The following MTDH variants were observed in gnomAD, a reference collection of about 807,000 sequenced individuals.
MTDH encodes the protein metadherin, also known as protein LYRIC.
Under a neutral mutation model 72.7 loss-of-function variants are expected in MTDH, and 34 were observed. The ratio of observed to expected loss-of-function variants is 0.47; its 90% CI spans 0.36 to 0.62. MTDH has a LOEUF of 0.62. MTDH is among the 20% of genes least tolerant of loss of function. The pLI is 0.00. For missense variants in MTDH, 677 were observed against 699.4 expected, an observed-to-expected ratio of 0.97 and a Z score of 0.36; for synonymous variants, 266 against 268.9, an observed-to-expected ratio of 0.99 and a Z score of 0.10.
In MTDH at chr8:97,687,506, T is replaced by G. The variant is rs1453286068; in HGVS notation, c.646T>G (p.Ser216Ala). The G allele has an allele frequency of 5.0e-6, 8 of 1,613,748 alleles. No individual in the cohort carries two copies. The highest frequency in any genetic ancestry group is 6.8e-6 in the Non-Finnish European group (8 of 1,179,830). Residue 216 changes from serine to alanine, a missense_variant, in exon 4 of 12, where the codon TCA becomes GCA. Coordinates refer to ENST00000336273, the MANE Select transcript of MTDH (RefSeq NM_178812.4). ...KRDKVLTDSG[S>A]LDSTIPGIEN... is the part of the protein sequence containing the mutation. ...TGATAAGGTGCTGACTGATTCTGGT[T>G]CATTGGATTCAACTATCCCTGGGAT...
At position 97,681,354 on chromosome 8, in the gene MTDH, A is replaced by G. The variant is rs150900346; in HGVS notation, c.484-5314A>G. On this transcript the variant is annotated intron_variant, in intron 2 of 11. Transcript: ENST00000336273. ...TTGAGATCAATTTGTGGAAGACATC[A>G]TATGTCATGTAAGGAAGTTAGACCT... 5.4e-3 allele frequency among the ~76,000 whole-genome samples: 826 copies of G among 152,224 alleles called. 5 individuals carry two copies. Among genetic ancestry groups the G allele is most frequent in the African/African-American group, 0.018 (752 of 41,498 alleles).
chr8:97,711,508 G>T (rs1485050742), intron 8 of MTDH, among the ~76,000 whole-genome samples: 1 of 151,678 alleles, frequency 6.6e-6, no homozygotes, highest in Non-Finnish European at 1.5e-5. Context: ...ACAAAACAAG[G>T]CAGGAATGAA....
At chr8:97,678,559 TTC>T (rs779930097) in intron 2 of MTDH, among the ~76,000 whole-genome samples, 2 of 151,870 alleles carry the variant, frequency 1.3e-5, no homozygotes, top group South Asian at 2.1e-4. Flanking sequence ...TTCTCCCTCT[TTC>T]TCTCTCTGTT....
At chr8:97,664,663 CTT>C (rs1236960428) in intron 2 of MTDH, among the ~76,000 whole-genome samples, 1 of 152,010 alleles carries the variant, frequency 6.6e-6, no homozygotes, top group African/African-American at 2.4e-5. Flanking sequence ...GTGTATTGCG[CTT>C]TGTGTTTTAA....
In MTDH at chr8:97,728,745, C is replaced by A. The variant is rs1357685163; in HGVS notation, c.*4075C>A. The A allele has an allele frequency of 1.4e-5, 2 of 145,586 alleles. No homozygotes were observed. The highest frequency in any genetic ancestry group is 3.0e-5 in the Non-Finnish European group (2 of 66,858). 9.0% of individuals were successfully genotyped at this position (145,586 alleles called of 1,614,324 possible). On this transcript the variant is annotated 3_prime_UTR_variant, in exon 12 of 12. Transcript: ENST00000336273. ...GAAACCATCCTGAGCAATAGAGAGA[C>A]CCCCATCTCGACAAAAAAAAAAAAA...
chr8:97,701,732 T>A (rs1468931171), intron 7 of MTDH, among the ~76,000 whole-genome samples: 2 of 152,190 alleles, frequency 1.3e-5, no homozygotes, highest in Non-Finnish European at 2.9e-5. Flanking sequence ...AGAGGAAAAT[T>A]GAGTGGACAG....
rs540605044 is a variant in MTDH at position 97,718,516 on chromosome 8, T to G, written c.1381-533T>G. On this transcript the variant is annotated intron_variant, in intron 9 of 11. Coordinates refer to ENST00000336273, the MANE Select transcript of MTDH (RefSeq NM_178812.4). ...GTGGGTTTTTTTTTGTTTTTGTTTTTGTTTTTTTTGTTTTTTTTTTGTGAG... is the reference window on the plus strand; with the variant it reads ...GTGGGTTTTTTTTTGTTTTTGTTTTGGTTTTTTTTGTTTTTTTTTTGTGAG... 7.5e-4 allele frequency among the ~76,000 whole-genome samples: 86 copies of G among 115,124 alleles called. 1 individual carries two copies. The highest frequency in any genetic ancestry group is 4.5e-3 in the African/African-American group (83 of 18,286). 75.5% of individuals were successfully genotyped at this position (115,124 alleles called of 152,430 possible).
At chr8:97,692,816 G>A (rs978150362) in intron 6 of MTDH, among the ~76,000 whole-genome samples, 1 of 151,738 alleles carries the variant, frequency 6.6e-6, no homozygotes, top group African/African-American at 2.4e-5. Context: ...TACAACCTCT[G>A]CCTCCTGGGT....
chr8:97,678,746 C>T (rs1812956025), intron 2 of MTDH, among the ~76,000 whole-genome samples: 1 of 151,590 alleles, frequency 6.6e-6, no homozygotes, highest in South Asian at 2.1e-4. Flanking sequence ...GCCTATTTTT[C>T]TTTTATGAAA....
At chr8:97,673,675 A>AG (rs995119815) in intron 2 of MTDH, among the ~76,000 whole-genome samples, 85 of 131,462 alleles carry the variant, frequency 6.5e-4, no homozygotes, top group African/African-American at 2.0e-3. Flanking sequence ...GGGGCGGGGA[A>AG]GGGGGGGCAC....
In MTDH at chr8:97,686,655, A is replaced by G. The variant is rs768407816; in HGVS notation, c.484-13A>G. ...ATAACAAAATATTAAGTAACATTCT[A>G]TTTTACTTTCAGTCAAAGAAAAATA... On this transcript the variant is annotated splice_polypyrimidine_tract_variant and intron_variant, in intron 2 of 11. Transcript: ENST00000336273. 49 of 1,515,276 alleles carry G rather than the reference A, an allele frequency of 3.2e-5. No individual in the cohort carries two copies. Among genetic ancestry groups the G allele is most frequent in the East Asian group, 1.7e-4 (7 of 42,118 alleles). The allele number at this position is 1,515,276 out of a possible 1,614,324, so 93.9% of individuals were successfully genotyped here. A position where few individuals can be genotyped will look rare whatever the true frequency, so the allele number is the denominator to read the frequency against.
intron 7 of MTDH, among the ~76,000 whole-genome samples, chr8:97,704,774 A>G (rs555865620): frequency 6.6e-6 from 1 of 152,300 alleles, no homozygotes; most frequent in East Asian, 1.9e-4. Flanking sequence ...CTAGATTTTA[A>G]AACTTTCATA....
chr8:97,659,858 A>C (rs1238940531), intron 1 of MTDH, among the ~76,000 whole-genome samples: 1 of 152,164 alleles, frequency 6.6e-6, no homozygotes, highest in African/African-American at 2.4e-5. Flanking sequence ...AGAAATTATT[A>C]TTTAAAAAGT....
At position 97,644,693 on chromosome 8, in the gene MTDH, C is replaced by T; in HGVS notation, c.187C>T (p.Leu63=). ...LVGTGALGLL[L]LFLLGYGWAA... is the part of the protein sequence containing the mutation. ...GGGCACTGGCGCGCTCGGGCTGCTG[C>T]TGCTGTTTCTGCTGGGCTACGGCTG... Residue 63 remains leucine (L), a synonymous_variant, in exon 1 of 12, where the codon CTG becomes TTG. Coordinates refer to ENST00000336273, the MANE Select transcript of MTDH (RefSeq NM_178812.4). 6.2e-7 allele frequency: 1 copy of T among 1,603,040 alleles called. No individual in the cohort carries two copies. Among genetic ancestry groups the T allele is most frequent in the Non-Finnish European group, 8.5e-7 (1 of 1,176,738 alleles).
At chr8:97,700,646 T>G (rs1563556960) in intron 7 of MTDH, among the ~76,000 whole-genome samples, 1 of 152,190 alleles carries the variant, frequency 6.6e-6, no homozygotes, top group Non-Finnish European at 1.5e-5. Flanking sequence ...GTCTTAGTCT[T>G]TTGGATTTTA....
chr8:97,702,538 G>A (rs1814174866), intron 7 of MTDH, among the ~76,000 whole-genome samples: 1 of 152,178 alleles, frequency 6.6e-6, no homozygotes, highest in Admixed American at 6.5e-5. Context: ...TATCCTTCTA[G>A]TGGCAAAATT....
rs907695488 is a variant in MTDH at position 97,707,430 on chromosome 8, G to T, written c.1272+680G>T. ...CCCCCAAAGTGCTGGGATTACAGGC[G>T]TAAGCCACCATGCCTGGCCTTTTTT... On this transcript the variant is annotated intron_variant, in intron 8 of 11. Transcript: ENST00000336273. Among the ~76,000 whole-genome samples, 17 of 145,832 alleles carry T rather than the reference G, an allele frequency of 1.2e-4. 1 individual carries two copies. In the East Asian group the frequency reaches 3.4e-3, roughly 29 times the overall value.
At chr8:97,660,468 G>A (rs1175702997) in intron 1 of MTDH, among the ~76,000 whole-genome samples, 1 of 151,976 alleles carries the variant, frequency 6.6e-6, no homozygotes, top group Non-Finnish European at 1.5e-5. Flanking sequence ...AAAGACATAT[G>A]GGCCAAAAAA....
At chr8:97,656,793 A>G (rs2130923962) in intron 1 of MTDH, among the ~76,000 whole-genome samples, 1 of 151,654 alleles carries the variant, frequency 6.6e-6, no homozygotes, top group South Asian at 2.1e-4. Context: ...TGAGGCCAGG[A>G]GTTCTAGAAC....
Sources: gnomAD v4.1 joint callset for allele counts (sites outside exome capture counted in the v4.1 genomes callset) on GRCh38, gnomAD v4.1.1 for gene constraint, MANE v1.5 for transcripts, NCBI Gene and HGNC (gene_info 2026-07-23, HGNC 2026-07-21) for gene names.